ARHGEF16: variants seen among roughly 807,000 people sequenced by gnomAD.
The protein encoded by ARHGEF16 is Rho guanine nucleotide exchange factor 16, also known as Rho guanine exchange factor (GEF) 16.
ARHGEF16 carries 59 observed loss-of-function variants against 74.1 expected under a neutral mutation model. That is an observed-to-expected ratio of 0.80 (90% CI 0.65 to 0.99). ARHGEF16 has a LOEUF of 0.99. Ranked by LOEUF, ARHGEF16 falls within the 50% of genes least tolerant of loss-of-function variation. ARHGEF16 has a pLI of 0.00. For synonymous variants in ARHGEF16, 415 were observed against 412.6 expected (o/e 1.01, Z -0.07); for missense variants, 948 against 986.6 (o/e 0.96, Z 0.52).
In ARHGEF16 at chr1:3,474,737, C is replaced by T. The variant is rs759612195; in HGVS notation, c.1335C>T (p.Ser445=). 9.9e-6 allele frequency: 16 copies of T among 1,612,870 alleles called. No individual in the cohort carries two copies. The African/African-American group carries it at 1.6e-4, about 16-fold the overall frequency. The change falls in exon 9 of 15, where the codon TCC becomes TCT. Residue 445 remains serine, a synonymous_variant. Coordinates refer to ENST00000378378, the MANE Select transcript of ARHGEF16 (RefSeq NM_014448.4). ...TCTGCCTCAAGACCCAGGGCCACTC[C>T]GAAAGGTACAAGGCTGCCAGCCGTG... The part of the protein sequence containing the change: ...DTLCLKTQGH[S]ERYKAASRAL...
intron 6 of ARHGEF16, 155 bp from the exon 7 acceptor site, chr1:3,472,923 C>G: frequency 1.5e-6 from 1 of 664,936 alleles, no homozygotes; most frequent in Non-Finnish European, 2.3e-6. Context: ...GGGTCCCGCC[C>G]CAAGTGCTTG....
chr1:3,478,337 G>A, intron 11 of ARHGEF16, 87 bp from the exon 12 acceptor site: 1 of 1,416,522 alleles, frequency 7.1e-7, no homozygotes, highest in Non-Finnish European at 9.6e-7. Context: ...CCACTGCAGG[G>A]GAGCCGGGTG....
Position 3,463,130 on chromosome 1 carries a change from G to A in ARHGEF16, c.46G>A (p.Gly16Arg). Residue 16 changes from glycine to arginine, a missense_variant, in exon 2 of 15, where the codon GGA becomes AGA. Coordinates refer to ENST00000378378, the MANE Select transcript of ARHGEF16 (RefSeq NM_014448.4). The part of the protein sequence containing the change: ...SDSSLEEKLL[G>R]HRFHSELRLD... ...CAGCTCCTTGGAGGAGAAGCTCCTG[G>A]GACACCGCTTCCACTCGGAGCTCCG... The A allele has an allele frequency of 6.8e-7, 1 of 1,481,376 alleles. No homozygotes were observed. Among genetic ancestry groups the A allele is most frequent in the Non-Finnish European group, 9.0e-7 (1 of 1,110,604 alleles). 91.8% of individuals were successfully genotyped at this position (1,481,376 alleles called of 1,614,324 possible).
intron 1 of ARHGEF16, among the ~76,000 whole-genome samples, chr1:3,459,274 C>A (rs1184633674): frequency 6.6e-6 from 1 of 152,170 alleles, no homozygotes; most frequent in Non-Finnish European, 1.5e-5. Context: ...CTCAGTGGGG[C>A]CAGGGAGAAC....
rs759959656 is a variant in ARHGEF16 at position 3,469,453 on chromosome 1, G to A, written c.882G>A (p.Thr294=). 26 of 1,612,828 alleles carry A rather than the reference G, an allele frequency of 1.6e-5. No homozygotes were observed. Among genetic ancestry groups the A allele is most frequent in the Non-Finnish European group, 1.9e-5 (23 of 1,179,968 alleles). Reference sequence around the variant, plus strand: ...CACAGGCCATGTTCGAGATCCTCACGTCGGAGTTCTCCTACCAGCACAGCC... The same window carrying A: ...CACAGGCCATGTTCGAGATCCTCACATCGGAGTTCTCCTACCAGCACAGCC... ...KRQEAMFEIL[T]SEFSYQHSLS... is the part of the protein sequence containing the mutation. Residue 294 remains threonine (T), a synonymous_variant, in exon 6 of 15, where the codon ACG becomes ACA. Transcript: ENST00000378378.
intron 13 of ARHGEF16, 99 bp downstream of exon 13, chr1:3,479,689 G>C: frequency 6.4e-7 from 1 of 1,561,658 alleles, no homozygotes; most frequent in Admixed American, 1.8e-5. Context: ...GCCTTGTGCT[G>C]GGGCCTGGCA....
rs1426023188 is a variant in ARHGEF16, at chr1:3,467,472, C to T, written c.804+135C>T. Reference sequence around the variant, plus strand: ...CCTCCCAGGGAGGGTGGGCAGCCTTCCCAGAAGCCCCTCGGCTGTGGGTGG... The same window carrying T: ...CCTCCCAGGGAGGGTGGGCAGCCTTTCCAGAAGCCCCTCGGCTGTGGGTGG... On this transcript the variant is annotated intron_variant, in intron 4 of 14. Coordinates refer to ENST00000378378, the MANE Select transcript of ARHGEF16 (RefSeq NM_014448.4). The T allele has an allele frequency of 4.6e-6, 5 of 1,096,400 alleles. No homozygotes were observed. In the African/African-American group the frequency reaches 7.9e-5, roughly 17 times the overall value. 67.9% of individuals were successfully genotyped at this position (1,096,400 alleles called of 1,614,324 possible). A position where few individuals can be genotyped will look rare whatever the true frequency, so the allele number is the denominator to read the frequency against.
chr1:3,458,102 G>C (rs1639306266), intron 1 of ARHGEF16, among the ~76,000 whole-genome samples: 1 of 152,204 alleles, frequency 6.6e-6, no homozygotes, highest in South Asian at 2.1e-4. Flanking sequence ...CAAGGTACTA[G>C]GAGACCAGGG....
intron 4 of ARHGEF16, among the ~76,000 whole-genome samples, chr1:3,467,728 C>A (rs1488750776): frequency 6.6e-6 from 1 of 152,146 alleles, no homozygotes; most frequent in Non-Finnish European, 1.5e-5. Context: ...CAAGACACTC[C>A]TTCACTTTCC....
chr1:3,469,821 G>A (rs573680846), intron 6 of ARHGEF16, among the ~76,000 whole-genome samples: 1 of 152,182 alleles, frequency 6.6e-6, no homozygotes, highest in African/African-American at 2.4e-5. Context: ...GTGGCATCCT[G>A]GTCGTTCTTA....
At chr1:3,475,922 C>T (rs1260375068) in intron 9 of ARHGEF16, 48 bp from the exon 10 acceptor site, 2 of 1,517,556 alleles carry the variant, frequency 1.3e-6, no homozygotes, top group African/African-American at 1.4e-5. Context: ...GTGGGCTGTG[C>T]CAGGGCCCTG....
intron 14 of ARHGEF16, 151 bp from the exon 15 acceptor site, chr1:3,480,297 G>A: frequency 1.7e-6 from 2 of 1,191,566 alleles, no homozygotes; most frequent in Non-Finnish European, 1.2e-6. Flanking sequence ...GTGACCATGA[G>A]CAAGGCCTCA....
Position 3,480,097 on chromosome 1 carries a change from TG to T in ARHGEF16, c.1990+186del, listed in dbSNP as rs563628167. ...AACCTCAGAATCAAAAGCAGGTTCA[TG>T]GTCACTGTGTCCCACGTGGGGAGGA... On this transcript the variant is annotated intron_variant, in intron 14 of 14. Transcript: ENST00000378378. Among the ~76,000 whole-genome samples, 9 of 152,330 alleles carry T rather than the reference TG, an allele frequency of 5.9e-5. No individual in the cohort carries two copies. In the South Asian group the frequency reaches 1.9e-3, roughly 32 times the overall value.
intron 1 of ARHGEF16, among the ~76,000 whole-genome samples, chr1:3,460,568 G>A (rs960321549): frequency 3.9e-5 from 6 of 152,232 alleles, no homozygotes; most frequent in East Asian, 1.9e-4. Flanking sequence ...CCGCAGGGCC[G>A]TAGACCGCCT....
chr1:3,464,212 C>T (rs898794056), intron 2 of ARHGEF16, among the ~76,000 whole-genome samples: 2 of 152,212 alleles, frequency 1.3e-5, no homozygotes, highest in Non-Finnish European at 2.9e-5. Context: ...GGCATGGTGG[C>T]GGCAGACCCT....
chr1:3,460,090 C>T (rs947658842), intron 1 of ARHGEF16, among the ~76,000 whole-genome samples: 2 of 152,230 alleles, frequency 1.3e-5, no homozygotes, highest in Non-Finnish European at 2.9e-5. Context: ...CGGGTGCCTG[C>T]CAGGGCCACA....
chr1:3,457,263 G>A (rs961214768), intron 1 of ARHGEF16, among the ~76,000 whole-genome samples: 5 of 152,260 alleles, frequency 3.3e-5, no homozygotes, highest in African/African-American at 9.6e-5. Flanking sequence ...GCTTGAGTTT[G>A]CCTTCACTGA....
intron 1 of ARHGEF16, among the ~76,000 whole-genome samples, chr1:3,460,985 C>T (rs995488210): frequency 6.6e-6 from 1 of 152,096 alleles, no homozygotes; most frequent in African/African-American, 2.4e-5. Context: ...TCCAAAGGTG[C>T]TAATCCAGGT....
chr1:3,478,752 G>A (rs1444274794), intron 12 of ARHGEF16, 140 bp downstream of exon 12: 3 of 999,606 alleles, frequency 3.0e-6, no homozygotes, highest in African/African-American at 3.3e-5. Flanking sequence ...TGTAGGTGCT[G>A]AGGTAGAGCC....
Sources: gnomAD v4.1 joint callset for allele counts (sites outside exome capture counted in the v4.1 genomes callset) on GRCh38, gnomAD v4.1.1 for gene constraint, MANE v1.5 for transcripts, NCBI Gene and HGNC (gene_info 2026-07-23, HGNC 2026-07-21) for gene names.